Variants in GGA3 observed in about 807,000 individuals in gnomAD.
The protein encoded by GGA3 is golgi associated, gamma adaptin ear containing, ARF binding protein 3.
GGA3 carries 57 observed loss-of-function variants against 77.5 expected under a neutral mutation model. That is an observed-to-expected ratio of 0.74 (90% CI 0.59 to 0.92). The LOEUF (loss-of-function observed/expected upper bound fraction) is 0.92. Among genes scored for constraint, GGA3 ranks in the 40% least tolerant of loss-of-function variants. The pLI is 0.00. For missense variants in GGA3, 970 were observed against 914.9 expected, an observed-to-expected ratio of 1.06 and a Z score of -0.78; for synonymous variants, 416 against 383.7, an observed-to-expected ratio of 1.08 and a Z score of -0.98.
rs532167220 is a variant in GGA3 at position 75,239,321 on chromosome 17, G to A, written c.1780+54C>T. The A allele has an allele frequency of 2.8e-6, 4 of 1,412,626 alleles. No individual in the cohort carries two copies. In the Admixed American group the frequency reaches 6.9e-5, roughly 24 times the overall value. The allele number at this position is 1,412,626 out of a possible 1,614,324, so 87.5% of individuals were successfully genotyped here. On this transcript the variant is annotated intron_variant, in intron 14 of 16. Coordinates refer to ENST00000537686, the MANE Select transcript of GGA3 (RefSeq NM_138619.4). The stretch of plus-strand genomic sequence containing the variant: ...ATCCATCCCTGTCGCATGTCCTACA[G>A]CTCCGTGGCTATAGGCCCCACCGCC...
upstream of GGA3, chr17:75,261,619 C>A (rs1158362548): frequency 6.5e-7 from 1 of 1,528,002 alleles, no homozygotes; most frequent in Non-Finnish European, 8.8e-7. Flanking sequence ...GGCTTCAAAA[C>A]TCGCGAGAGT....
At chr17:75,262,009 G>A (rs771350492), upstream of GGA3, 2 of 1,601,048 alleles carry the variant, frequency 1.2e-6, no homozygotes, top group Admixed American at 1.7e-5. Flanking sequence ...GCAGCGGCGG[G>A]GGGGCGCTGC....
intron 1 of GGA3, chr17:75,248,802 A>G: frequency 1.4e-6 from 1 of 716,770 alleles, no homozygotes; most frequent in South Asian, 8.0e-5. Flanking sequence ...AAACAAAAAC[A>G]AAAACAAAAA....
intron 10 of GGA3, 35 bp downstream of exon 10, chr17:75,241,365 G>T: frequency 7.4e-7 from 1 of 1,353,302 alleles, no homozygotes; most frequent in Non-Finnish European, 1.1e-6. Flanking sequence ...AGGCTGGTCT[G>T]GAGGAGCCTA....
At chr17:75,261,420 CGGCGAGGGCGAGACCGGGCGTGGGCT>C (rs1378522167) in intron 1 of GGA3, 102 bp downstream of exon 1, 1 of 657,680 alleles carries the variant, frequency 1.5e-6, no homozygotes, top group Non-Finnish European at 2.3e-6. Flanking sequence ...AGGCTGCTCG[CGGCGAGGGCGAGACCGGGCGTGGGCT>C]GCCAAGAGGC....
At chr17:75,238,582 G>A (rs751802505) in intron 16 of GGA3, 70 bp downstream of exon 16, 1 of 1,128,754 alleles carries the variant, frequency 8.9e-7, no homozygotes, top group African/African-American at 1.5e-5. Context: ...CTGGGAGGTG[G>A]TGGGCCTGAC....
At position 75,239,935 on chromosome 17, in the gene GGA3, C is replaced by T. The variant is rs749424363; in HGVS notation, c.1437G>A (p.Ala479=). The change falls in exon 13 of 17, where the codon GCG becomes GCA. Residue 479 remains alanine (A), a synonymous_variant. Transcript: ENST00000537686. ...CTCCAGTAGAAAACAAGGAGGAGCC[C>T]GCACTGGGGGCAGGAACACTGGCTG... ...VVPASVPAPS[A]GSSLFSTGVA... The T allele has an allele frequency of 1.4e-5, 23 of 1,596,342 alleles. No homozygotes were observed. In the Admixed American group the frequency reaches 1.9e-4, roughly 13 times the overall value.
At chr17:75,248,100 C>T (rs2076817880) in intron 1 of GGA3, among the ~76,000 whole-genome samples, 1 of 152,152 alleles carries the variant, frequency 6.6e-6, no homozygotes, top group African/African-American at 2.4e-5. Context: ...GTGTCAGAGC[C>T]CCTCCCGACA....
At position 75,253,342 on chromosome 17, in the gene GGA3, C is replaced by T. The variant is rs185419119; in HGVS notation, c.41-6546G>A. ...AGAGACAAACGAGACACGTTTTATCCGTGGACCCAAAACTCTGGCGCTGGT... is the reference window on the plus strand; with the variant it reads ...AGAGACAAACGAGACACGTTTTATCTGTGGACCCAAAACTCTGGCGCTGGT... On this transcript the variant is annotated intron_variant, in intron 1 of 16. Coordinates refer to ENST00000537686, the MANE Select transcript of GGA3 (RefSeq NM_138619.4). Among the ~76,000 whole-genome samples, 81 of 152,258 alleles carry T rather than the reference C, an allele frequency of 5.3e-4. No homozygotes were observed. The Middle Eastern group carries it at 0.01, about 19-fold the overall frequency.
intron 14 of GGA3, 117 bp downstream of exon 14, chr17:75,239,250 GGGAGGCCT>G (rs2076434819): frequency 1.0e-6 from 1 of 984,968 alleles, no homozygotes; most frequent in South Asian, 1.7e-5. Context: ...AATGCAGGCA[GGGAGGCCT>G]GCCTGGCTTT....
Position 75,239,025 on chromosome 17 carries a change from A to C in GGA3, c.1839T>G (p.Phe613Leu). The C allele has an allele frequency of 3.7e-6, 6 of 1,614,082 alleles. No individual in the cohort carries two copies. Among genetic ancestry groups the C allele is most frequent in the Non-Finnish European group, 5.1e-6 (6 of 1,180,006 alleles). ...GTCGTCCTGGGGGACACTCCTTGGC[A>C]AAGTGGAAGAGGATGCGGAAGCCGT... ...DKNGFRILFH[F>L]AKECPPGRPD... Residue 613 changes from phenylalanine (F) to leucine (L), a missense_variant, in exon 15 of 17, where the codon TTT becomes TTG. By Grantham distance (22) the Phe-to-Leu change is conservative. Transcript: ENST00000537686.
rs1280691791 is a variant in GGA3, at chr17:75,243,528, T to C, written c.343A>G (p.Ile115Val). 1.2e-6 allele frequency: 2 copies of C among 1,614,070 alleles called. No homozygotes were observed. Among genetic ancestry groups the C allele is most frequent in the Non-Finnish European group, 1.7e-6 (2 of 1,179,908 alleles). ...ATGGTCCAGCTGTACAGCAGCTCAA[T>C]AACCTTGGTCTTCACTTTCTCAGAC... Reference protein sequence around the residue: ...RVSEKVKTKVIELLYSWTMAL... With the variant: ...RVSEKVKTKVVELLYSWTMAL... Residue 115 changes from isoleucine (I) to valine (V), a missense_variant, in exon 5 of 17, where the codon ATT (isoleucine) becomes GTT (valine). Coordinates refer to ENST00000537686, the MANE Select transcript of GGA3 (RefSeq NM_138619.4).
intron 1 of GGA3, among the ~76,000 whole-genome samples, chr17:75,253,541 T>C (rs2077041553): frequency 6.6e-6 from 1 of 152,080 alleles, no homozygotes; most frequent in Non-Finnish European, 1.5e-5. Context: ...CAACCCCTTC[T>C]CTCCGTGTCT....
chr17:75,257,908 A>G (rs1396220988), intron 1 of GGA3, among the ~76,000 whole-genome samples: 1 of 152,174 alleles, frequency 6.6e-6, no homozygotes, highest in African/African-American at 2.4e-5. Flanking sequence ...TTGCACGTAC[A>G]CATCCAGATG....
chr17:75,253,847 TTAGC>T (rs1384603831), intron 1 of GGA3, among the ~76,000 whole-genome samples: 1 of 152,138 alleles, frequency 6.6e-6, no homozygotes, highest in East Asian at 1.9e-4. Flanking sequence ...TCCTTCTCCC[TTAGC>T]CTGTGTTCTC....
At chr17:75,242,726 G>T in intron 7 of GGA3, 105 bp downstream of exon 7, 1 of 1,007,434 alleles carries the variant, frequency 9.9e-7, no homozygotes, top group Non-Finnish European at 1.5e-6. Context: ...TAGGGCAGCT[G>T]GCAGCAGGGG....
intron 1 of GGA3, among the ~76,000 whole-genome samples, chr17:75,248,496 C>CAAAA (rs1598419641): frequency 3.8e-5 from 1 of 26,590 alleles, no homozygotes; most frequent in African/African-American, 6.7e-5. Context: ...AAAAAAAAAT[C>CAAAA]ACCAGCTGGG....
chr17:75,250,759 C>T (rs866018285), intron 1 of GGA3, among the ~76,000 whole-genome samples: 2 of 53,748 alleles, frequency 3.7e-5, no homozygotes, highest in Middle Eastern at 0.024. Flanking sequence ...GAGACTCCAT[C>T]TCCAAAAAAA....
In GGA3 at chr17:75,242,804, G is replaced by A. The variant is rs72844586; in HGVS notation, c.609+27C>T. 1.4e-3 allele frequency: 2,194 copies of A among 1,569,564 alleles called. 4 individuals are homozygous for A. The highest frequency in any genetic ancestry group is 1.8e-3 in the Non-Finnish European group (2,006 of 1,139,532). ...GTGTGGCCATGGGCTCCTCCACCCC[G>A]TGCCTGAAGGACCGGGGCCCACTCA... On this transcript the variant is annotated intron_variant, in intron 7 of 16. Coordinates refer to ENST00000537686, the MANE Select transcript of GGA3 (RefSeq NM_138619.4).
Sources: allele counts gnomAD v4.1 joint callset (sites outside exome capture counted in the v4.1 genomes callset), GRCh38; gene constraint gnomAD v4.1.1; transcripts MANE v1.5; gene names NCBI Gene and HGNC (gene_info 2026-07-23, HGNC 2026-07-21).